Variants in CFAP47 observed in about 807,000 individuals in gnomAD.
CFAP47 encodes cilia and flagella associated protein 47.
Under a neutral mutation model 148.1 loss-of-function variants are expected in CFAP47, and 29 were observed. That is an observed-to-expected ratio of 0.20 (90% CI 0.15 to 0.27). The LOEUF is 0.27. CFAP47 is among the 10% of genes least tolerant of loss of function. CFAP47 has a pLI of 1.00. For synonymous variants in CFAP47, 664 were observed against 577.3 expected (o/e 1.15, Z -2.15); for missense variants, 1,872 against 1,697.5 (o/e 1.10, Z -1.81).
chrX:35,951,223 G>C lies in CFAP47; in HGVS notation c.749G>C (p.Arg250Thr), dbSNP rs1438919632. The change falls in exon 5 of 64, where the codon AGA becomes ACA. Residue 250 changes from arginine (R) to threonine (T), a missense_variant. Coordinates refer to ENST00000378653, the MANE Select transcript of CFAP47 (RefSeq NM_001304548.2). ...IIELLSMSSDRRLECIHFGPV... is the reference protein window; with the variant it reads ...IIELLSMSSDTRLECIHFGPV... ...GAATTATTAAGCATGAGTAGTGACAGAAGGCTGGAATGCATACACTTTGGT... is the reference window on the plus strand; with the variant it reads ...GAATTATTAAGCATGAGTAGTGACACAAGGCTGGAATGCATACACTTTGGT... 8.3e-7 allele frequency: 1 copy of C among 1,209,537 alleles called. No individual in the cohort carries two copies. The highest frequency in any genetic ancestry group is 1.7e-5 in the African/African-American group (1 of 57,663).
intron 26 of CFAP47, among the ~76,000 whole-genome samples, chrX:36,060,738 G>T (rs930830823): frequency 1.8e-5 from 2 of 110,944 alleles, no homozygotes; most frequent in Non-Finnish European, 3.8e-5. Flanking sequence ...GCACGAAATT[G>T]GTTCATAGCA....
In CFAP47 at chrX:36,310,757, A is replaced by G. The variant is rs1189823485; in HGVS notation, c.8188-76A>G. 9 of 655,407 alleles carry G rather than the reference A, an allele frequency of 1.4e-5. No homozygotes were observed. The Admixed American group carries it at 4.0e-4, about 29-fold the overall frequency. 54.0% of individuals were successfully genotyped at this position (655,407 alleles called of 1,213,427 possible). ...CTTATCTGTCCAAATTTTTATATGC[A>G]TTATACTTATTAAGTATTGCAAATA... is the stretch of plus-strand genomic sequence containing the variant. On this transcript the variant is annotated intron_variant, in intron 55 of 63. Coordinates refer to ENST00000378653, the MANE Select transcript of CFAP47 (RefSeq NM_001304548.2).
intron 56 of CFAP47, among the ~76,000 whole-genome samples, chrX:36,313,614 T>A (rs1556010392): frequency 9.0e-6 from 1 of 111,511 alleles, no homozygotes; most frequent in Non-Finnish European, 1.9e-5. Flanking sequence ...AATCTCATTT[T>A]GTCTTTTAAA....
chrX:36,307,171 T>C (rs16998543), intron 55 of CFAP47, among the ~76,000 whole-genome samples: 6,443 of 111,443 alleles, frequency 0.058, 163 homozygotes, highest in Middle Eastern at 0.13. Flanking sequence ...ATTTTCTGAC[T>C]TGAGTTTTAC....
At chrX:36,187,902 A>T (rs1019863607) in intron 40 of CFAP47, among the ~76,000 whole-genome samples, 14 of 112,023 alleles carry the variant, frequency 1.2e-4, no homozygotes, top group Non-Finnish European at 2.6e-4. Context: ...TTCAGGGAAA[A>T]GCAGATGTCA....
chrX:36,355,041 T>A, intron 60 of CFAP47, among the ~76,000 whole-genome samples: 2 of 110,672 alleles, frequency 1.8e-5, no homozygotes, highest in South Asian at 7.7e-4. Context: ...AAACTAATAA[T>A]CTGATTTTTT....
intron 57 of CFAP47, among the ~76,000 whole-genome samples, chrX:36,339,341 G>A (rs1941634423): frequency 9.0e-6 from 1 of 111,540 alleles, no homozygotes; most frequent in Non-Finnish European, 1.9e-5. Context: ...AGGAAGACAT[G>A]ATGATTGATC....
At chrX:36,324,207 T>C (rs1215821525) in intron 57 of CFAP47, among the ~76,000 whole-genome samples, 1 of 111,929 alleles carries the variant, frequency 8.9e-6, no homozygotes, top group African/African-American at 3.2e-5. Flanking sequence ...GTTATAGGAC[T>C]TGCAGTATTC....
intron 22 of CFAP47, among the ~76,000 whole-genome samples, chrX:36,016,142 A>G (rs1437143915): frequency 9.0e-6 from 1 of 110,950 alleles, no homozygotes; most frequent in Non-Finnish European, 1.9e-5. Flanking sequence ...TTTTTGTGTT[A>G]GAAACAATTC....
intron 19 of CFAP47, among the ~76,000 whole-genome samples, chrX:35,999,466 T>G (rs1302459044): frequency 8.9e-6 from 1 of 111,990 alleles, no homozygotes; most frequent in African/African-American, 3.2e-5. Flanking sequence ...CCTTGTTTAT[T>G]TAAGGTAGAT....
chrX:36,013,611 G>A (rs180761683), intron 21 of CFAP47, among the ~76,000 whole-genome samples: 1 of 111,178 alleles, frequency 9.0e-6, no homozygotes, highest in African/African-American at 3.3e-5. Flanking sequence ...CAAAAACATA[G>A]TTAAAAAGAA....
rs782378818 is a variant in CFAP47 at position 36,346,211 on chromosome X, C to CTG, written c.8444-1902_8444-1901dup. ...TTTTTGTTTGTTTGTTTGTTTGTTT[C>CTG]TGTGTGTGTGTGTGTGTTTTTTTTT... is the stretch of plus-strand genomic sequence containing the variant. On this transcript the variant is annotated intron_variant, in intron 57 of 63. Transcript: ENST00000378653. Among the ~76,000 whole-genome samples, 28 of 109,387 alleles carry CTG rather than the reference C, an allele frequency of 2.6e-4. No homozygotes were observed. In the East Asian group the frequency reaches 3.2e-3, roughly 12 times the overall value. The allele number at this position is 109,387 out of a possible 115,157, so 95.0% of individuals were successfully genotyped here. A position where few individuals can be genotyped will look rare whatever the true frequency, so the allele number is the denominator to read the frequency against.
At chrX:36,078,479 A>G (rs181196778) in intron 29 of CFAP47, among the ~76,000 whole-genome samples, 1,289 of 109,796 alleles carry the variant, frequency 0.012, 5 homozygotes, top group Middle Eastern at 0.065. Flanking sequence ...GTCTCGTTTG[A>G]TCTTTGTTGG....
chrX:36,259,281 A>G (rs1940790125), intron 49 of CFAP47, among the ~76,000 whole-genome samples: 1 of 111,531 alleles, frequency 9.0e-6, no homozygotes, highest in Non-Finnish European at 1.9e-5. Flanking sequence ...CTAGAAAAAA[A>G]TCTGTGTGAG....
chrX:36,118,676 G>A (rs370074107), intron 33 of CFAP47, among the ~76,000 whole-genome samples: 26 of 110,496 alleles, frequency 2.4e-4, no homozygotes, highest in African/African-American at 7.9e-4. Flanking sequence ...GGGTTTCACC[G>A]TGTTAGCCAG....
At chrX:36,303,470 C>T (rs7060239) in intron 53 of CFAP47, among the ~76,000 whole-genome samples, 669 of 110,792 alleles carry the variant, frequency 6.0e-3, no homozygotes, top group African/African-American at 0.021. Context: ...CAGGCATGAG[C>T]CACTGTGCCT....
chrX:35,924,753 A>G (rs191169444), intron 1 of CFAP47, among the ~76,000 whole-genome samples: 20 of 110,916 alleles, frequency 1.8e-4, no homozygotes, highest in Non-Finnish European at 2.5e-4. Context: ...TGGCATTTAT[A>G]TGTTTCTTAG....
At chrX:35,974,226 G>A (rs72628186) in intron 13 of CFAP47, among the ~76,000 whole-genome samples, 1 of 111,517 alleles carries the variant, frequency 9.0e-6, no homozygotes. Flanking sequence ...CCTGTGTGAG[G>A]TAAAGACATG....
At chrX:35,976,704 CAT>C (rs755978805) in intron 15 of CFAP47, among the ~76,000 whole-genome samples, 90 of 111,043 alleles carry the variant, frequency 8.1e-4, no homozygotes, top group African/African-American at 2.9e-3. Context: ...TTCAGAATGA[CAT>C]ATTTTTCTAG....
Sources: allele counts gnomAD v4.1 joint callset (sites outside exome capture counted in the v4.1 genomes callset), GRCh38; gene constraint gnomAD v4.1.1; transcripts MANE v1.5; gene names NCBI Gene and HGNC (gene_info 2026-07-23, HGNC 2026-07-21).